The following PXDNL variants were observed in gnomAD, a reference collection of about 807,000 sequenced individuals.
The protein encoded by PXDNL is peroxidasin like.
A neutral mutation model predicts 150.8 loss-of-function variants in PXDNL; 145 were observed. That is an observed-to-expected ratio of 0.96 (90% CI 0.84 to 1.10). PXDNL has a LOEUF of 1.10. PXDNL is among the 50% of genes least tolerant of loss of function. The pLI, the probability that PXDNL is intolerant of heterozygous loss-of-function variation, is 0.00. For missense variants in PXDNL, 2,087 were observed against 1,873.9 expected, an observed-to-expected ratio of 1.11 and a Z score of -2.10; for synonymous variants, 757 against 725.7, an observed-to-expected ratio of 1.04 and a Z score of -0.69.
chr8:51,625,981 C>A (rs901265691), intron 2 of PXDNL, among the ~76,000 whole-genome samples: 1 of 152,052 alleles, frequency 6.6e-6, no homozygotes, highest in Non-Finnish European at 1.5e-5. Context: ...TTGTACCATA[C>A]CAGAAATAAG....
At chr8:51,791,880 CG>C (rs747233833) in intron 1 of PXDNL, among the ~76,000 whole-genome samples, 15 of 151,954 alleles carry the variant, frequency 9.9e-5, no homozygotes, top group Non-Finnish European at 1.9e-4. Context: ...CCTAGATGCC[CG>C]GGTGAGTAAG....
chr8:51,410,806 C>A (rs911031660), intron 16 of PXDNL, among the ~76,000 whole-genome samples: 4 of 151,618 alleles, frequency 2.6e-5, no homozygotes, highest in Non-Finnish European at 5.9e-5. Flanking sequence ...ACAACAACAA[C>A]AAAAAAACAA....
At chr8:51,568,397 G>A (rs1298405459) in intron 3 of PXDNL, among the ~76,000 whole-genome samples, 2 of 151,734 alleles carry the variant, frequency 1.3e-5, no homozygotes, top group African/African-American at 4.8e-5. Flanking sequence ...CTAAACTGGT[G>A]GTTTTTACTT....
intron 4 of PXDNL, among the ~76,000 whole-genome samples, chr8:51,543,887 T>C (rs546684254): frequency 4.6e-5 from 7 of 152,054 alleles, no homozygotes; most frequent in Admixed American, 6.5e-5. Flanking sequence ...GCAAGGATAA[T>C]CAATAAAAAT....
intron 1 of PXDNL, among the ~76,000 whole-genome samples, chr8:51,696,834 C>CATACACAT (rs1816153101): frequency 6.7e-6 from 1 of 148,830 alleles, no homozygotes; most frequent in African/African-American, 2.5e-5. Flanking sequence ...CACACACACA[C>CATACACAT]ACACAGGTCC....
At chr8:51,645,213 T>G (rs991569237) in intron 2 of PXDNL, among the ~76,000 whole-genome samples, 2 of 152,130 alleles carry the variant, frequency 1.3e-5, no homozygotes, top group Non-Finnish European at 2.9e-5. Flanking sequence ...TCCCTCTGAC[T>G]TTTTGTTCTA....
At chr8:51,392,938 A>C (rs1041606383) in intron 17 of PXDNL, among the ~76,000 whole-genome samples, 19 of 152,208 alleles carry the variant, frequency 1.2e-4, no homozygotes, top group African/African-American at 4.1e-4. Context: ...TAGAGAGTAC[A>C]CTATTGGGAG....
chr8:51,403,962 G>GGTTC (rs1186191347), intron 17 of PXDNL, among the ~76,000 whole-genome samples: 3 of 152,152 alleles, frequency 2.0e-5, no homozygotes, highest in Non-Finnish European at 4.4e-5. Context: ...CCTTCTGGTG[G>GGTTC]GTTCGTGGTC....
At chr8:51,790,151 T>G (rs538690997) in intron 1 of PXDNL, among the ~76,000 whole-genome samples, 3 of 151,612 alleles carry the variant, frequency 2.0e-5, no homozygotes, top group Admixed American at 6.6e-5. Context: ...ACAAAATTAA[T>G]TAGACACAGG....
chr8:51,490,713 G>A (rs890332324), intron 5 of PXDNL, among the ~76,000 whole-genome samples: 4 of 123,674 alleles, frequency 3.2e-5, no homozygotes, highest in Non-Finnish European at 5.0e-5. Context: ...TCATCAGTAT[G>A]TAATTGACTT....
At chr8:51,677,595 T>C (rs1289008187) in intron 1 of PXDNL, among the ~76,000 whole-genome samples, 1 of 152,198 alleles carries the variant, frequency 6.6e-6, no homozygotes, top group African/African-American at 2.4e-5. Context: ...TTAATGGACT[T>C]AGGTGTTAAA....
At chr8:51,602,352 T>A (rs1349259974) in intron 2 of PXDNL, among the ~76,000 whole-genome samples, 1 of 152,064 alleles carries the variant, frequency 6.6e-6, no homozygotes, top group Non-Finnish European at 1.5e-5. Context: ...AATCCCATAT[T>A]TCTTAAAGAC....
Position 51,423,570 on chromosome 8 carries a change from C to T in PXDNL, c.1795+5G>A. On this transcript the variant is annotated splice_donor_5th_base_variant and intron_variant, in intron 14 of 22. Coordinates refer to ENST00000356297, the MANE Select transcript of PXDNL (RefSeq NM_144651.5). ...GATGTTGTAAATGGAGCTATAGACACCTACCCGTGACTGTAAGAAACATGT... is the reference window on the plus strand; with the variant it reads ...GATGTTGTAAATGGAGCTATAGACATCTACCCGTGACTGTAAGAAACATGT... The T allele has an allele frequency of 1.9e-6, 3 of 1,612,682 alleles. No homozygotes were observed. Among genetic ancestry groups the T allele is most frequent in the South Asian group, 1.1e-5 (1 of 90,930 alleles).
In PXDNL at chr8:51,760,845, CTTTTTTTTTTTT is replaced by C. The variant is rs71237237; in HGVS notation, c.164+48324_164+48335del. Among the ~76,000 whole-genome samples, 32 of 45,490 alleles carry C rather than the reference CTTTTTTTTTTTT, an allele frequency of 7.0e-4. 1 individual carries two copies. Among genetic ancestry groups the C allele is most frequent in the East Asian group, 5.2e-3 (5 of 954 alleles). The allele number at this position is 45,490 out of a possible 152,430, so 29.8% of individuals were successfully genotyped here. On this transcript the variant is annotated intron_variant, in intron 1 of 22. Coordinates refer to ENST00000356297, the MANE Select transcript of PXDNL (RefSeq NM_144651.5). ...GTTAGCCTGAAGGAAATCACTTAAACTTTTTTTTTTTTTTTTTTTTTTTTTTTTTTTGAGACG... is the reference window on the plus strand; with the variant it reads ...GTTAGCCTGAAGGAAATCACTTAAACTTTTTTTTTTTTTTTTTTTGAGACG...
chr8:51,719,037 G>A lies in PXDNL; in HGVS notation c.165-64277C>T, dbSNP rs554281157. On this transcript the variant is annotated intron_variant, in intron 1 of 22. Transcript: ENST00000356297. ...CAGCCGCCCCGTCCGGGAGGGAGGC[G>A]GGGGGCACCTCCGCCCGGCCGCCAC... Among the ~76,000 whole-genome samples the A allele has an allele frequency of 5.1e-3, 782 of 151,946 alleles. 3 individuals are homozygous for A. Among genetic ancestry groups the A allele is most frequent in the African/African-American group, 0.017 (720 of 41,476 alleles).
intron 1 of PXDNL, among the ~76,000 whole-genome samples, chr8:51,787,213 T>A (rs1291207442): frequency 6.6e-6 from 1 of 152,178 alleles, no homozygotes; most frequent in African/African-American, 2.4e-5. Context: ...TTTTCATGCC[T>A]ACTAACACAT....
At chr8:51,627,466 C>A (rs914636957) in intron 2 of PXDNL, among the ~76,000 whole-genome samples, 3 of 151,988 alleles carry the variant, frequency 2.0e-5, no homozygotes, top group Non-Finnish European at 4.4e-5. Context: ...CACTACTAGA[C>A]AATATATTTA....
chr8:51,535,721 AT>A (rs1563454611), intron 4 of PXDNL, among the ~76,000 whole-genome samples: 2 of 142,216 alleles, frequency 1.4e-5, no homozygotes, highest in African/African-American at 5.7e-5. Flanking sequence ...CAATAAAAAA[AT>A]AAATAAATAA....
At chr8:51,605,432 AG>A (rs1236625370) in intron 2 of PXDNL, among the ~76,000 whole-genome samples, 13 of 151,954 alleles carry the variant, frequency 8.6e-5, no homozygotes, top group African/African-American at 3.1e-4. Context: ...AAAGAAAAAA[AG>A]AAAGAATCTG....
Sources: gnomAD v4.1 joint callset for allele counts (sites outside exome capture counted in the v4.1 genomes callset) on GRCh38, gnomAD v4.1.1 for gene constraint, MANE v1.5 for transcripts, NCBI Gene and HGNC (gene_info 2026-07-23, HGNC 2026-07-21) for gene names.